The following PTPRK variants were observed in gnomAD, a reference collection of about 807,000 sequenced individuals.
PTPRK encodes the protein protein tyrosine phosphatase receptor type K, also known as receptor-type tyrosine-protein phosphatase kappa.
Under a neutral mutation model 178.0 loss-of-function variants are expected in PTPRK, and 75 were observed. The observed-to-expected ratio is 0.42, with a 90% CI of 0.35 to 0.51. The LOEUF (loss-of-function observed/expected upper bound fraction) is 0.51. Among genes scored for constraint, PTPRK ranks in the 20% least tolerant of loss-of-function variants. PTPRK has a pLI of 0.02. For synonymous variants in PTPRK, 637 were observed against 620.6 expected (o/e 1.03, Z -0.39); for missense variants, 1,441 against 1,797.8 (o/e 0.80, Z 3.59).
At chr6:128,397,284 G>GT (rs1172107764) in intron 2 of PTPRK, among the ~76,000 whole-genome samples, 4 of 151,036 alleles carry the variant, frequency 2.6e-5, no homozygotes, top group African/African-American at 9.7e-5. Flanking sequence ...TGTTTATTCT[G>GT]TTTTTTCTTT....
chr6:128,017,800 G>GTA (rs1383976165), intron 13 of PTPRK, among the ~76,000 whole-genome samples: 2 of 30,062 alleles, frequency 6.7e-5, no homozygotes, highest in South Asian at 1.4e-3. Flanking sequence ...AAATATATAT[G>GTA]TGTATATATA....
intron 1 of PTPRK, among the ~76,000 whole-genome samples, chr6:128,410,668 G>C (rs980243246): frequency 6.6e-6 from 1 of 152,156 alleles, no homozygotes; most frequent in Admixed American, 6.6e-5. Context: ...ATGAGTGAAA[G>C]TCTACTGAAT....
At chr6:128,050,918 T>A (rs372580410) in intron 13 of PTPRK, among the ~76,000 whole-genome samples, 1 of 152,210 alleles carries the variant, frequency 6.6e-6, no homozygotes, top group East Asian at 1.9e-4. Flanking sequence ...TGTATGCTAA[T>A]TGTTCTTAGA....
chr6:128,449,939 T>C (rs1280559636), intron 1 of PTPRK, among the ~76,000 whole-genome samples: 1 of 53,254 alleles, frequency 1.9e-5, no homozygotes, highest in South Asian at 7.8e-4. Context: ...TTACTAAAAA[T>C]GCAAAAAAAA....
intron 7 of PTPRK, among the ~76,000 whole-genome samples, chr6:128,161,071 A>C (rs1335965015): frequency 6.6e-6 from 1 of 151,666 alleles, no homozygotes; most frequent in Non-Finnish European, 1.5e-5. Flanking sequence ...TTAAAATCTC[A>C]AATAATTTCG....
intron 14 of PTPRK, among the ~76,000 whole-genome samples, chr6:128,007,726 T>G (rs998510353): frequency 6.0e-5 from 9 of 150,950 alleles, no homozygotes; most frequent in Non-Finnish European, 1.2e-4. Flanking sequence ...GAGGATATAA[T>G]CAGAAGCCAC....
intron 14 of PTPRK, among the ~76,000 whole-genome samples, chr6:128,005,466 G>A (rs929338963): frequency 5.3e-5 from 8 of 151,276 alleles, no homozygotes; most frequent in African/African-American, 1.9e-4. Context: ...CAATATTCAA[G>A]CTGTCAATCC....
chr6:128,132,004 A>T (rs1483846968), intron 7 of PTPRK, among the ~76,000 whole-genome samples: 1 of 152,160 alleles, frequency 6.6e-6, no homozygotes, highest in Non-Finnish European at 1.5e-5. Context: ...GGTCAAATCA[A>T]TTTTTTGAGA....
At chr6:128,206,448 C>T (rs1345410607) in intron 6 of PTPRK, among the ~76,000 whole-genome samples, 2 of 148,866 alleles carry the variant, frequency 1.3e-5, no homozygotes, top group Non-Finnish European at 3.0e-5. Context: ...TACACTGTTC[C>T]TAAGCCATTC....
At chr6:127,990,727 GT>G (rs1283100190) in intron 21 of PTPRK, 41 bp downstream of exon 21, 1 of 1,332,694 alleles carries the variant, frequency 7.5e-7, no homozygotes, top group Non-Finnish European at 1.1e-6. Context: ...AGAAAAAGCA[GT>G]TTTGATATCA....
At chr6:128,335,603 GTTATT>G (rs1830810496) in intron 2 of PTPRK, among the ~76,000 whole-genome samples, 1 of 151,822 alleles carries the variant, frequency 6.6e-6, no homozygotes, top group Non-Finnish European at 1.5e-5. Context: ...AGAAAATAGG[GTTATT>G]TTATTTTTCA....
intron 3 of PTPRK, among the ~76,000 whole-genome samples, chr6:128,250,436 C>T (rs752575390): frequency 2.0e-4 from 30 of 152,122 alleles, no homozygotes; most frequent in Non-Finnish European, 3.8e-4. Context: ...CATCATTGAA[C>T]CACATGAATC....
rs747371598 is a variant in PTPRK at position 127,976,762 on chromosome 6, T to G, written c.3864A>C (p.Pro1288=). 6.2e-7 allele frequency: 1 copy of G among 1,613,738 alleles called. No individual in the cohort carries two copies. Among genetic ancestry groups the G allele is most frequent in the South Asian group, 1.1e-5 (1 of 91,070 alleles). Residue 1288 remains proline, a synonymous_variant, in exon 27 of 30, where the codon CCA becomes CCC. Coordinates refer to ENST00000368226, the MANE Select transcript of PTPRK (RefSeq NM_002844.4). The stretch of plus-strand genomic sequence containing the variant: ...GGCCATATCGTAGCATCCCTTCCTC[T>G]GGCCAGTACTGAGGGCAGCCCTAAA... ...DLSQGCPQYW[P]EEGMLRYGPI...
At chr6:128,036,542 C>T (rs1047124895) in intron 13 of PTPRK, among the ~76,000 whole-genome samples, 7 of 152,188 alleles carry the variant, frequency 4.6e-5, no homozygotes, top group Non-Finnish European at 8.8e-5. Context: ...AATTAATACA[C>T]ATATCTTACT....
intron 3 of PTPRK, among the ~76,000 whole-genome samples, chr6:128,281,640 G>A (rs1184447302): frequency 6.6e-6 from 1 of 152,066 alleles, no homozygotes; most frequent in Non-Finnish European, 1.5e-5. Context: ...CCTGGAAGCA[G>A]AACTGTACCT....
At chr6:128,421,000 C>A (rs996035996) in intron 1 of PTPRK, among the ~76,000 whole-genome samples, 1 of 152,176 alleles carries the variant, frequency 6.6e-6, no homozygotes, top group African/African-American at 2.4e-5. Flanking sequence ...TGTTTGCCAG[C>A]ATGTCTTAAA....
chr6:127,991,321 C>A lies in PTPRK; in HGVS notation c.2952G>T (p.Met984Ile). 6.3e-7 allele frequency: 1 copy of A among 1,596,356 alleles called. No individual in the cohort carries two copies. The highest frequency in any genetic ancestry group is 8.5e-7 in the Non-Finnish European group (1 of 1,171,876). Reference protein sequence around the residue: ...IWQEQSACIVMVTNLVEVGRV... With the variant: ...IWQEQSACIVIVTNLVEVGRV... ...GGCCAACCTCAACTAAATTTGTAAC[C>A]ATCACAATGCAAGCAGATTGTTCTT... The change falls in exon 20 of 30, where the codon ATG becomes ATT. Residue 984 changes from methionine (M) to isoleucine (I), a missense_variant. Around this residue, in one of 4 missense-constraint regions of PTPRK, gnomAD observed 945 missense variants for 1,080.6 expected, o/e 0.87. Transcript: ENST00000368226.
At chr6:128,234,046 T>C (rs1326642137) in intron 5 of PTPRK, among the ~76,000 whole-genome samples, 1 of 152,248 alleles carries the variant, frequency 6.6e-6, no homozygotes, top group African/African-American at 2.4e-5. Flanking sequence ...CCACTTATAC[T>C]GGACCTTCAT....
intron 3 of PTPRK, among the ~76,000 whole-genome samples, chr6:128,261,580 T>A (rs1014816989): frequency 6.6e-6 from 1 of 152,210 alleles, no homozygotes; most frequent in East Asian, 1.9e-4. Flanking sequence ...AGAGCAAAAC[T>A]GTCCAGCAAA....
Sources: allele counts gnomAD v4.1 joint callset (sites outside exome capture counted in the v4.1 genomes callset), GRCh38; gene constraint gnomAD v4.1.1; regional missense constraint gnomAD v4.1.1; transcripts MANE v1.5; gene names NCBI Gene and HGNC (gene_info 2026-07-23, HGNC 2026-07-21).